Variants in BCAR3 observed in about 807,000 individuals in gnomAD.
BCAR3 encodes the protein breast cancer anti-estrogen resistance protein 3.
A neutral mutation model predicts 80.1 loss-of-function variants in BCAR3; 37 were observed. That is an observed-to-expected ratio of 0.46 (90% CI 0.36 to 0.61). The LOEUF (loss-of-function observed/expected upper bound fraction) is 0.61. Among genes scored for constraint, BCAR3 ranks in the 20% least tolerant of loss-of-function variants. The pLI, the probability that BCAR3 is intolerant of heterozygous loss-of-function variation, is 0.00. For missense variants in BCAR3, 978 were observed against 1,068.2 expected, an observed-to-expected ratio of 0.92 and a Z score of 1.18; for synonymous variants, 389 against 418.9, an observed-to-expected ratio of 0.93 and a Z score of 0.87.
chr1:93,656,090 G>A (rs756563872), intron 2 of BCAR3, among the ~76,000 whole-genome samples: 11 of 152,224 alleles, frequency 7.2e-5, no homozygotes, highest in Non-Finnish European at 1.6e-4. Flanking sequence ...CCTTTTGGCC[G>A]ATGAAAATCT....
rs1357734813 is a variant in BCAR3, at chr1:93,650,320, G to A, written c.318-7977C>T. Among the ~76,000 whole-genome samples the A allele has an allele frequency of 2.6e-5, 4 of 152,328 alleles. No individual in the cohort carries two copies. In the East Asian group the frequency reaches 7.7e-4, roughly 29 times the overall value. On this transcript the variant is annotated intron_variant, in intron 2 of 11. Coordinates refer to ENST00000260502, the MANE Select transcript of BCAR3 (RefSeq NM_003567.4). ...GAATGACTTGAGCCCAGGAGGCAGAGGTTGCAGTGAGCCGAAATTATGCCA... is the reference window on the plus strand; with the variant it reads ...GAATGACTTGAGCCCAGGAGGCAGAAGTTGCAGTGAGCCGAAATTATGCCA...
upstream of BCAR3, among the ~76,000 whole-genome samples, chr1:93,682,707 A>T (rs1648837135): frequency 6.6e-6 from 1 of 152,202 alleles, no homozygotes. Flanking sequence ...GGCGCACGCC[A>T]CTATGCCCGG....
intron 8 of BCAR3, among the ~76,000 whole-genome samples, chr1:93,574,288 G>A (rs1263515545): frequency 6.6e-6 from 1 of 152,222 alleles, no homozygotes; most frequent in African/African-American, 2.4e-5. Flanking sequence ...TGGAATGGGT[G>A]AGGTGGTAAA....
At chr1:93,730,666 AAT>A (rs1287434001) in intron 2 of BCAR3, among the ~76,000 whole-genome samples, 3 of 152,174 alleles carry the variant, frequency 2.0e-5, no homozygotes, top group Non-Finnish European at 4.4e-5. Context: ...AACCTGGCAA[AAT>A]CCACACATCC....
At chr1:93,695,812 C>G (rs1373938216) in intron 3 of BCAR3, among the ~76,000 whole-genome samples, 1 of 152,178 alleles carries the variant, frequency 6.6e-6, no homozygotes, top group Non-Finnish European at 1.5e-5. Context: ...CTATATTTGA[C>G]ATTGTTGACT....
chr1:93,815,807 A>C (rs1307683167), intron 2 of BCAR3, among the ~76,000 whole-genome samples: 4 of 152,178 alleles, frequency 2.6e-5, no homozygotes, highest in Non-Finnish European at 5.9e-5. Flanking sequence ...GAGGAGTTCT[A>C]ATGTAATTTT....
At chr1:93,658,194 C>G (rs1647481998) in intron 2 of BCAR3, among the ~76,000 whole-genome samples, 1 of 152,128 alleles carries the variant, frequency 6.6e-6, no homozygotes, top group Non-Finnish European at 1.5e-5. Flanking sequence ...CCGCCTCGGC[C>G]TCCCAAAGTG....
At chr1:93,585,111 G>GCA (rs1673889726) in intron 5 of BCAR3, 3 of 985,392 alleles carry the variant, frequency 3.0e-6, no homozygotes, top group South Asian at 4.7e-5. Flanking sequence ...TGATATTTAA[G>GCA]CAGTGACCAC....
chr1:93,688,213 G>C (rs928854437), intron 3 of BCAR3, among the ~76,000 whole-genome samples: 1 of 152,254 alleles, frequency 6.6e-6, no homozygotes, highest in Admixed American at 6.5e-5. Context: ...GAGGACTATG[G>C]CTTACTAAAC....
At chr1:93,707,042 G>C (rs1277416576) in intron 2 of BCAR3, among the ~76,000 whole-genome samples, 1 of 151,982 alleles carries the variant, frequency 6.6e-6, no homozygotes, top group Non-Finnish European at 1.5e-5. Context: ...AGGTGTGGTG[G>C]CGGGCGCCTG....
At chr1:93,674,541 C>T (rs1157835246) in intron 2 of BCAR3, 73 bp downstream of exon 2, 18 of 1,504,422 alleles carry the variant, frequency 1.2e-5, no homozygotes, top group South Asian at 7.4e-5. Context: ...TGAGCCACCA[C>T]GCCCGGCCAT....
chr1:93,822,076 A>C (rs1654242003), intron 2 of BCAR3, among the ~76,000 whole-genome samples: 1 of 152,238 alleles, frequency 6.6e-6, no homozygotes. Context: ...GCTGTCTCAA[A>C]GAACAAGGCA....
intron 3 of BCAR3, among the ~76,000 whole-genome samples, chr1:93,608,240 T>C (rs1674839133): frequency 6.6e-6 from 1 of 152,176 alleles, no homozygotes; most frequent in Non-Finnish European, 1.5e-5. Flanking sequence ...ATTTCAACAG[T>C]AGCTCCTGGC....
At chr1:93,733,138 A>T (rs574614673) in intron 2 of BCAR3, among the ~76,000 whole-genome samples, 9 of 151,888 alleles carry the variant, frequency 5.9e-5, no homozygotes, top group South Asian at 4.2e-4. Flanking sequence ...TTCTTTTTTT[A>T]AAAAAAAGTC....
chr1:93,735,001 C>A (rs548633517), intron 2 of BCAR3, among the ~76,000 whole-genome samples: 1 of 152,298 alleles, frequency 6.6e-6, no homozygotes, highest in South Asian at 2.1e-4. Flanking sequence ...TGGTGGTTAG[C>A]TTCTTGGAGT....
chr1:93,566,570 T>C (rs1557833174), intron 11 of BCAR3, among the ~76,000 whole-genome samples: 1 of 152,130 alleles, frequency 6.6e-6, no homozygotes, highest in Non-Finnish European at 1.5e-5. Context: ...CCCCACACTT[T>C]CCAGGATGTG....
At chr1:93,802,894 A>G (rs953496094) in intron 2 of BCAR3, among the ~76,000 whole-genome samples, 1 of 152,164 alleles carries the variant, frequency 6.6e-6, no homozygotes, top group African/African-American at 2.4e-5. Context: ...AATTGTGCAC[A>G]TAAAGAGACT....
At chr1:93,841,285 A>G (rs1241383132) in intron 2 of BCAR3, among the ~76,000 whole-genome samples, 4 of 152,204 alleles carry the variant, frequency 2.6e-5, no homozygotes, top group Non-Finnish European at 5.9e-5. Context: ...CAAGATTGCA[A>G]GGTCCATGGC....
At chr1:93,779,395 G>A (rs1652690636) in intron 2 of BCAR3, among the ~76,000 whole-genome samples, 1 of 152,172 alleles carries the variant, frequency 6.6e-6, no homozygotes, top group Non-Finnish European at 1.5e-5. Flanking sequence ...AACCTCATGT[G>A]GCTTACATTC....
Sources: allele counts gnomAD v4.1 joint callset (sites outside exome capture counted in the v4.1 genomes callset), GRCh38; gene constraint gnomAD v4.1.1; transcripts MANE v1.5; gene names NCBI Gene and HGNC (gene_info 2026-07-23, HGNC 2026-07-21).